Variants in ITGA11 observed in about 807,000 individuals in gnomAD.
The protein encoded by ITGA11 is integrin alpha-11.
Under a neutral mutation model 141.9 loss-of-function variants are expected in ITGA11, and 97 were observed. The ratio of observed to expected loss-of-function variants is 0.68; its 90% CI spans 0.58 to 0.81. The LOEUF (loss-of-function observed/expected upper bound fraction) is 0.81, where lower values mean the gene tolerates loss of function less well. Among genes scored for constraint, ITGA11 ranks in the 30% least tolerant of loss-of-function variants. The pLI, the probability that ITGA11 is intolerant of heterozygous loss-of-function variation, is 0.00. For missense variants in ITGA11, 1,387 were observed against 1,559.2 expected (o/e 0.89, Z 1.86); for synonymous variants, 658 against 624.6 (o/e 1.05, Z -0.80).
chr15:68,415,403 G>A lies in ITGA11; in HGVS notation c.53-12374C>T, dbSNP rs1896865128. ...GCTGTCCATTTGAAGGCTGGATAGA[G>A]AGACTGGCCACAGAAGGGAAAGGAG... On this transcript the variant is annotated intron_variant, in intron 1 of 29. Transcript: ENST00000315757. Among the ~76,000 whole-genome samples the A allele has an allele frequency of 2.0e-5, 3 of 152,350 alleles. No individual in the cohort carries two copies. In the South Asian group the frequency reaches 6.2e-4, roughly 32 times the overall value.
Position 68,350,610 on chromosome 15 carries a change from T to C in ITGA11, c.1060+7A>G. ...GAGTGGATCCCCTCTTAGCATGCAT[T>C]GCTTACCTTCCAGGCTGAAGATTCT... On this transcript the variant is annotated splice_region_variant and intron_variant, in intron 9 of 29. Transcript: ENST00000315757. 6.2e-7 allele frequency: 1 copy of C among 1,611,920 alleles called. No individual in the cohort carries two copies. Among genetic ancestry groups the C allele is most frequent in the South Asian group, 1.1e-5 (1 of 90,754 alleles).
chr15:68,315,667 C>G lies in ITGA11; in HGVS notation c.2776G>C (p.Glu926Gln), dbSNP rs751916986. The change falls in exon 22 of 30, where the codon GAG becomes CAG. Residue 926 changes from glutamate (E) to glutamine (Q), a missense_variant. Glu to Gln is a conservative substitution (Grantham distance 29). Transcript: ENST00000315757. Reference protein sequence around the residue: ...KSIFLHHLEIELAAGSDSNER... With the variant: ...KSIFLHHLEIQLAAGSDSNER... ...GGCCCTGACCTGCCTGCAGCGAGCT[C>G]GATCTCCAGGTGGTGTAGGAAGATG... 4 of 1,613,234 alleles carry G rather than the reference C, an allele frequency of 2.5e-6. No individual in the cohort carries two copies. The highest frequency in any genetic ancestry group is 2.7e-5 in the African/African-American group (2 of 74,920).
intron 15 of ITGA11, among the ~76,000 whole-genome samples, chr15:68,330,166 G>A (rs1042353969): frequency 1.3e-5 from 2 of 152,202 alleles, no homozygotes; most frequent in African/African-American, 4.8e-5. Context: ...GTTTTCTAGG[G>A]AACCTGGAGG....
intron 2 of ITGA11, among the ~76,000 whole-genome samples, chr15:68,373,134 G>T (rs1053175099): frequency 1.3e-5 from 2 of 152,104 alleles, no homozygotes; most frequent in African/African-American, 4.8e-5. Context: ...TTAAAATCCA[G>T]CATAAATTCC....
chr15:68,315,774 G>GC, intron 21 of ITGA11, 47 bp from the exon 22 acceptor site: 1 of 1,475,632 alleles, frequency 6.8e-7, no homozygotes, highest in South Asian at 1.3e-5. Context: ...GACCAGCCCC[G>GC]CCCACTCCCC....
At chr15:68,350,870 G>C in intron 8 of ITGA11, 88 bp from the exon 9 acceptor site, 1 of 1,402,124 alleles carries the variant, frequency 7.1e-7, no homozygotes, top group Non-Finnish European at 9.7e-7. Context: ...GGGGACCCCA[G>C]GGTGGGCTGG....
intron 2 of ITGA11, among the ~76,000 whole-genome samples, chr15:68,369,677 T>C (rs1895528599): frequency 6.6e-6 from 1 of 152,226 alleles, no homozygotes; most frequent in South Asian, 2.1e-4. Flanking sequence ...AAAGGAATGA[T>C]GTTTCTGGAG....
intron 2 of ITGA11, among the ~76,000 whole-genome samples, chr15:68,394,482 T>C (rs752140330): frequency 6.6e-6 from 1 of 152,094 alleles, no homozygotes; most frequent in Non-Finnish European, 1.5e-5. Flanking sequence ...TATAGCCTTA[T>C]ATGTATATTT....
Position 68,299,981 on chromosome 15 carries a change from G to T in ITGA11, c.*3078C>A, listed in dbSNP as rs1449242260. 6.6e-6 allele frequency: 1 copy of T among 152,180 alleles called. No individual in the cohort carries two copies. Among genetic ancestry groups the T allele is most frequent in the African/African-American group, 2.4e-5 (1 of 41,460 alleles). The allele number at this position is 152,180 out of a possible 1,614,324, so 9.4% of individuals were successfully genotyped here. On this transcript the variant is annotated 3_prime_UTR_variant, in exon 30 of 30. Transcript: ENST00000315757. Reference sequence around the variant, plus strand: ...CAGAAACTCCACTGGGGTTTTTGCTGATTTTCTTTGCTGGCTGCCATCAAG... The same window carrying T: ...CAGAAACTCCACTGGGGTTTTTGCTTATTTTCTTTGCTGGCTGCCATCAAG...
Position 68,325,161 on chromosome 15 carries a change from G to A in ITGA11, c.2292C>T (p.Asp764=), listed in dbSNP as rs771309859. Residue 764 remains aspartate (D), a synonymous_variant, in exon 18 of 30, where the codon GAC becomes GAT. Coordinates refer to ENST00000315757, the MANE Select transcript of ITGA11 (RefSeq NM_001004439.2). The surrounding 1 kb of genome is among the most constrained non-coding windows in gnomAD (Gnocchi z 5.5). ...LEDPDHGPML[D]DGWPTTLRVS... is the part of the protein sequence containing the mutation. Reference sequence around the variant, plus strand: ...CTCTGAGAGTGGTGGGCCAGCCGTCGTCCAGCATGGGGCCATGGTCAGGGT... The same window carrying A: ...CTCTGAGAGTGGTGGGCCAGCCGTCATCCAGCATGGGGCCATGGTCAGGGT... 3.1e-6 allele frequency: 5 copies of A among 1,613,768 alleles called. No individual in the cohort carries two copies. Among genetic ancestry groups the A allele is most frequent in the East Asian group, 2.2e-5 (1 of 44,886 alleles).
intron 5 of ITGA11, among the ~76,000 whole-genome samples, chr15:68,361,209 T>A (rs1283091007): frequency 1.3e-5 from 2 of 152,172 alleles, no homozygotes; most frequent in African/African-American, 2.4e-5. Context: ...TTGCACAACA[T>A]CAGGGGGCGC....
rs147475593 is a variant in ITGA11, at chr15:68,342,756, G to A, written c.1132-3112C>T. On this transcript the variant is annotated intron_variant, in intron 10 of 29. Transcript: ENST00000315757. ...CCCTAGGTGATATTTGCTTGTTACA[G>A]CTGGGGGTAGTGGTGGGGGTGCTAC... is the stretch of plus-strand genomic sequence containing the variant. 1.6e-3 allele frequency among the ~76,000 whole-genome samples: 251 copies of A among 152,340 alleles called. 2 individuals are homozygous for A. Among genetic ancestry groups the A allele is most frequent in the African/African-American group, 5.8e-3 (240 of 41,578 alleles).
Position 68,307,559 on chromosome 15 carries a change from C to T in ITGA11, c.3285+27G>A, listed in dbSNP as rs370933790. On this transcript the variant is annotated intron_variant, in intron 27 of 29. Coordinates refer to ENST00000315757, the MANE Select transcript of ITGA11 (RefSeq NM_001004439.2). The surrounding 1 kb of genome is among the most constrained non-coding windows in gnomAD (Gnocchi z 6.1). The stretch of plus-strand genomic sequence containing the variant: ...AGCCGCCCCCTTTCCCTTCTTCCTT[C>T]CAGCCCAGCCCAGGGGCTCTACTTA... 1 of 1,569,872 alleles carries T rather than the reference C, an allele frequency of 6.4e-7. No individual in the cohort carries two copies. Among genetic ancestry groups the T allele is most frequent in the Non-Finnish European group, 8.7e-7 (1 of 1,145,338 alleles).
intron 12 of ITGA11, among the ~76,000 whole-genome samples, chr15:68,334,955 C>T (rs1350460840): frequency 6.6e-6 from 1 of 152,014 alleles, no homozygotes; most frequent in Non-Finnish European, 1.5e-5. Context: ...GGGTGGCGCT[C>T]TGCAGTGAGA....
At chr15:68,346,865 C>T (rs960612099) in intron 10 of ITGA11, among the ~76,000 whole-genome samples, 4 of 152,182 alleles carry the variant, frequency 2.6e-5, no homozygotes, top group African/African-American at 9.6e-5. Flanking sequence ...GCATGTCTCC[C>T]CCTATCCCCT....
chr15:68,314,151 C>T (rs1040990714), intron 22 of ITGA11, among the ~76,000 whole-genome samples: 27 of 152,182 alleles, frequency 1.8e-4, no homozygotes, highest in Admixed American at 2.0e-4. Flanking sequence ...TGGACCCCAG[C>T]CTGTTTGCCT....
At position 68,346,728 on chromosome 15, in the gene ITGA11, G is replaced by A. The variant is rs117065772; in HGVS notation, c.1131+2102C>T. ...CTGCCACCCAGGACTGCTGAAATCCGTGTCCTTTAGGGGCAGCTCGAGTGC... is the reference window on the plus strand; with the variant it reads ...CTGCCACCCAGGACTGCTGAAATCCATGTCCTTTAGGGGCAGCTCGAGTGC... On this transcript the variant is annotated intron_variant, in intron 10 of 29. Coordinates refer to ENST00000315757, the MANE Select transcript of ITGA11 (RefSeq NM_001004439.2). Among the ~76,000 whole-genome samples, 28 of 152,306 alleles carry A rather than the reference G, an allele frequency of 1.8e-4. No individual in the cohort carries two copies. The East Asian group carries it at 2.1e-3, about 12-fold the overall frequency.
intron 1 of ITGA11, among the ~76,000 whole-genome samples, chr15:68,403,704 G>C (rs1358773326): frequency 6.6e-6 from 1 of 151,720 alleles, no homozygotes. Flanking sequence ...GCTCGGTCTT[G>C]GCTCACTGCA....
At chr15:68,327,950 A>G (rs1894032211) in intron 16 of ITGA11, 146 bp downstream of exon 16, 4 of 724,378 alleles carry the variant, frequency 5.5e-6, no homozygotes, top group Admixed American at 2.9e-5. Flanking sequence ...GAGAGCATCA[A>G]ATGGGATCCA....
Sources: gnomAD v4.1 joint callset for allele counts (sites outside exome capture counted in the v4.1 genomes callset) on GRCh38, gnomAD v4.1.1 for gene constraint, Gnocchi (gnomAD v3.1) non-coding constraint, MANE v1.5 for transcripts, NCBI Gene and HGNC (gene_info 2026-07-23, HGNC 2026-07-21) for gene names.